The following LRP1 variants were observed in gnomAD, a reference collection of about 807,000 sequenced individuals.
The protein encoded by LRP1 is prolow-density lipoprotein receptor-related protein 1.
In LRP1, 51 loss-of-function variants were observed where a neutral mutation model predicts 541.5. The observed-to-expected ratio is 0.09, with a 90% CI of 0.08 to 0.12. The LOEUF is 0.12. Ranked by LOEUF, LRP1 falls within the 10% of genes least tolerant of loss-of-function variation. The pLI, the probability that LRP1 is intolerant of heterozygous loss-of-function variation, is 1.00. For synonymous variants in LRP1, 2,219 were observed against 2,470.8 expected, an observed-to-expected ratio of 0.90 and a Z score of 3.02; for missense variants, 3,878 against 6,376.2, an observed-to-expected ratio of 0.61 and a Z score of 13.34.
Position 57,205,370 on chromosome 12 carries a change from C to T in LRP1, c.11355C>T (p.Cys3785=), listed in dbSNP as rs576827381. 7.5e-6 allele frequency: 12 copies of T among 1,607,818 alleles called. No individual in the cohort carries two copies. The highest frequency in any genetic ancestry group is 5.3e-5 in the African/African-American group (4 of 75,016). The part of the protein sequence containing the change: ...DCSIDPKLTS[C]ATNASICGDE... ...CCACAGACCCCAAGCTGACCAGCTG[C>T]GCCACCAATGCCAGCATCTGTGGGG... Residue 3785 remains cysteine (C), a synonymous_variant, in exon 74 of 89, where the codon TGC becomes TGT. Transcript: ENST00000243077. This position sits in a 1 kb window ranked among gnomAD's most constrained non-coding sequence, Gnocchi z 4.6.
chr12:57,158,345 G>T lies in LRP1; in HGVS notation c.1562-57G>T. The T allele has an allele frequency of 1.4e-6, 2 of 1,413,340 alleles. No homozygotes were observed. The highest frequency in any genetic ancestry group is 2.6e-5 in the South Asian group (2 of 77,864). 87.5% of individuals were successfully genotyped at this position (1,413,340 alleles called of 1,614,324 possible). On this transcript the variant is annotated intron_variant, in intron 10 of 88. Transcript: ENST00000243077. The surrounding 1 kb of genome is among the most constrained non-coding windows in gnomAD (Gnocchi z 5.3). The stretch of plus-strand genomic sequence containing the variant: ...TGCAGCCCCTTGGCCGCAGCCCCTG[G>T]GTGGGGATGATGGTCATGTGTGTGT...
Position 57,211,786 on chromosome 12 carries a change from G to T in LRP1, c.13230G>T (p.Glu4410Asp). Reference sequence around the variant, plus strand: ...ACATGACAGGGCCCCGGTGTGAGGAGCACGTCTTCAGCCAGCAGCAGCCAG... The same window carrying T: ...ACATGACAGGGCCCCGGTGTGAGGATCACGTCTTCAGCCAGCAGCAGCCAG... ...PPHMTGPRCE[E>D]HVFSQQQPGH... is the part of the protein sequence containing the mutation. The change falls in exon 86 of 89, where the codon GAG (glutamate) becomes GAT (aspartate). Residue 4410 changes from glutamate to aspartate, a missense_variant. By Grantham distance (45) the Glu-to-Asp change is conservative. Transcript: ENST00000243077. The surrounding 1 kb of genome is among the most constrained non-coding windows in gnomAD (Gnocchi z 4.3). 1 of 1,612,946 alleles carries T rather than the reference G, an allele frequency of 6.2e-7. No homozygotes were observed. The highest frequency in any genetic ancestry group is 8.5e-7 in the Non-Finnish European group (1 of 1,179,974).
intron 50 of LRP1, 47 bp downstream of exon 50, chr12:57,194,746 C>T: frequency 6.6e-7 from 1 of 1,517,552 alleles, no homozygotes; most frequent in Non-Finnish European, 8.8e-7. Context: ...CCTGCTGGGC[C>T]CCACTTCTTA....
At chr12:57,168,666 C>A (rs1015276045) in intron 19 of LRP1, among the ~76,000 whole-genome samples, 1 of 152,186 alleles carries the variant, frequency 6.6e-6, no homozygotes, top group East Asian at 1.9e-4. Context: ...CCACTCTTGC[C>A]AGCCACAGGC....
At chr12:57,143,648 C>T (rs2035341188) in intron 3 of LRP1, 31 bp from the exon 4 acceptor site, 1 of 1,597,416 alleles carries the variant, frequency 6.3e-7, no homozygotes, top group Non-Finnish European at 8.6e-7. Flanking sequence ...ATCTGGCGGC[C>T]TGAATATGTG....
chr12:57,180,799 T>A lies in LRP1; in HGVS notation c.5519T>A (p.Ile1840Asn). Residue 1840 changes from isoleucine to asparagine, a missense_variant, in exon 33 of 89, where the codon ATC becomes AAC. This residue lies in a region of LRP1 where 394 missense variants were observed against 635.9 expected (regional missense o/e 0.62). Transcript: ENST00000243077. Reference protein sequence around the residue: ...VMHMKVYDESIQLDHKGTNPC... With the variant: ...VMHMKVYDESNQLDHKGTNPC... ...CACATGAAGGTCTATGACGAGAGCA[T>A]CCAGCTGGGTAGGTGCGAGGCCGGG... 1 of 1,613,844 alleles carries A rather than the reference T, an allele frequency of 6.2e-7. No individual in the cohort carries two copies. The highest frequency in any genetic ancestry group is 8.5e-7 in the Non-Finnish European group (1 of 1,179,972).
rs1483365386 is a variant in LRP1, at chr12:57,179,870, T to C, written c.5055T>C (p.Asn1685=). The change falls in exon 30 of 89, where the codon AAT becomes AAC. Residue 1685 remains asparagine (N), a synonymous_variant. Transcript: ENST00000243077. The surrounding 1 kb of genome is among the most constrained non-coding windows in gnomAD (Gnocchi z 6.8). ...ATGACACCAATAAGAAGCAGATCAA[T>C]GTGGCCCGGCTGGATGGCTCCTTCA... ...TSYDTNKKQI[N]VARLDGSFKN... 1.2e-6 allele frequency: 2 copies of C among 1,614,008 alleles called. No individual in the cohort carries two copies. The highest frequency in any genetic ancestry group is 1.7e-6 in the Non-Finnish European group (2 of 1,180,036).
chr12:57,172,574 A>G (rs2035968462), intron 20 of LRP1, among the ~76,000 whole-genome samples: 1 of 151,678 alleles, frequency 6.6e-6, no homozygotes, highest in African/African-American at 2.4e-5. Context: ...CTCTGGGCTC[A>G]CTCGCTCTTC....
intron 45 of LRP1, 46 bp from the exon 46 acceptor site, chr12:57,193,130 G>A: frequency 6.2e-7 from 1 of 1,606,642 alleles, no homozygotes; most frequent in Non-Finnish European, 8.5e-7. Flanking sequence ...TGGGCACTGG[G>A]GCCCACAGCG....
chr12:57,204,601 GCTCT>G lies in LRP1; in HGVS notation c.11072-25_11072-22del. 6.2e-7 allele frequency: 1 copy of G among 1,612,972 alleles called. No homozygotes were observed. Among genetic ancestry groups the G allele is most frequent in the Non-Finnish European group, 8.5e-7 (1 of 1,179,304 alleles). ...ACCCCCACTCCCAAGACTAATTCTG[GCTCT>G]GTGTCCCCCTGGCTGCTGCAGCCCG... is the stretch of plus-strand genomic sequence containing the variant. On this transcript the variant is annotated intron_variant, in intron 71 of 88. Transcript: ENST00000243077. The surrounding 1 kb of genome is among the most constrained non-coding windows in gnomAD (Gnocchi z 5.3).
At chr12:57,198,401 C>CCTG (rs2036579018) in intron 59 of LRP1, 58 bp downstream of exon 59, 5 of 1,605,092 alleles carry the variant, frequency 3.1e-6, no homozygotes, top group Non-Finnish European at 4.3e-6. Context: ...GCCCAGCCTC[C>CCTG]CTGCAGGCCA....
intron 70 of LRP1, chr12:57,203,729 C>T (rs556559252): frequency 4.0e-5 from 25 of 630,584 alleles, no homozygotes; most frequent in Middle Eastern, 4.4e-4. Context: ...CATTTTTGTG[C>T]GGGTTGTGCC....
chr12:57,199,888 C>T lies in LRP1; in HGVS notation c.9877C>T (p.Pro3293Ser), dbSNP rs749862103. Residue 3293 changes from proline (P) to serine (S), a missense_variant, in exon 62 of 89, where the codon CCC becomes TCC. Around this residue, in one of 13 missense-constraint regions of LRP1, gnomAD observed 1,100 missense variants for 1,827.4 expected, o/e 0.60. Transcript: ENST00000243077. Reference sequence around the variant, plus strand: ...GTTTTCTCTGGCAGTGCCCAATCACCCCTGCAAGGTCAACAATGGTGGCTG... The same window carrying T: ...GTTTTCTCTGGCAGTGCCCAATCACTCCTGCAAGGTCAACAATGGTGGCTG... ...ALRQPDVPNH[P>S]CKVNNGGCSN... 1.3e-6 allele frequency: 2 copies of T among 1,592,596 alleles called. No homozygotes were observed. Among genetic ancestry groups the T allele is most frequent in the East Asian group, 4.6e-5 (2 of 43,914 alleles).
chr12:57,143,450 T>C (rs769915650), intron 3 of LRP1, among the ~76,000 whole-genome samples: 3 of 152,226 alleles, frequency 2.0e-5, no homozygotes, highest in Non-Finnish European at 4.4e-5. Flanking sequence ...ACATGTGGGT[T>C]CTAAGCCATC....
Position 57,197,784 on chromosome 12 carries a change from A to G in LRP1, c.9282+120A>G. On this transcript the variant is annotated intron_variant, in intron 58 of 88. Coordinates refer to ENST00000243077, the MANE Select transcript of LRP1 (RefSeq NM_002332.3). The surrounding 1 kb of genome is among the most constrained non-coding windows in gnomAD (Gnocchi z 4.5). ...TCCTTCTCACTCCACTAGTCACTAT[A>G]TGACTGCTTGTTCTAGCTGCTCACT... The G allele has an allele frequency of 1.7e-6, 2 of 1,149,346 alleles. No homozygotes were observed. The highest frequency in any genetic ancestry group is 2.4e-6 in the Non-Finnish European group (2 of 817,496). 71.2% of individuals were successfully genotyped at this position (1,149,346 alleles called of 1,614,324 possible).
intron 1 of LRP1, among the ~76,000 whole-genome samples, chr12:57,135,357 A>G (rs2035135239): frequency 6.6e-6 from 1 of 152,166 alleles, no homozygotes; most frequent in South Asian, 2.1e-4. Flanking sequence ...GGATTCAGAC[A>G]CAGAAGGCTC....
At chr12:57,144,139 T>G (rs1182786332) in intron 4 of LRP1, among the ~76,000 whole-genome samples, 1 of 152,034 alleles carries the variant, frequency 6.6e-6, no homozygotes, top group Non-Finnish European at 1.5e-5. Context: ...ATCAGTTTGC[T>G]CTCTCTCTTT....
Position 57,161,130 on chromosome 12 carries a change from G to A in LRP1, c.2202+15G>A. 1 of 1,609,330 alleles carries A rather than the reference G, an allele frequency of 6.2e-7. No homozygotes were observed. Among genetic ancestry groups the A allele is most frequent in the Non-Finnish European group, 8.5e-7 (1 of 1,178,876 alleles). On this transcript the variant is annotated intron_variant, in intron 13 of 88. Transcript: ENST00000243077. ...CAGACCGGAAGGTGGGCAGGCATGTGCCTGTGTGGGGGAATCTGTGTGTGT... is the reference window on the plus strand; with the variant it reads ...CAGACCGGAAGGTGGGCAGGCATGTACCTGTGTGGGGGAATCTGTGTGTGT...
chr12:57,149,989 G>A, intron 6 of LRP1: 4 of 525,150 alleles, frequency 7.6e-6, no homozygotes, highest in Admixed American at 3.3e-5. Flanking sequence ...TAGAAGAGAG[G>A]GGGAAAATGA....
Sources: gnomAD v4.1 joint callset for allele counts (sites outside exome capture counted in the v4.1 genomes callset) on GRCh38, gnomAD v4.1.1 for gene constraint, gnomAD v4.1.1 regional missense constraint, Gnocchi (gnomAD v3.1) non-coding constraint, MANE v1.5 for transcripts, NCBI Gene and HGNC (gene_info 2026-07-23, HGNC 2026-07-21) for gene names.